The following CAB39 variants were observed in gnomAD, a reference collection of about 807,000 sequenced individuals.
CAB39 encodes the protein calcium binding protein 39, also known as calcium-binding protein 39.
In CAB39, 8 loss-of-function variants were observed where a neutral mutation model predicts 40.0. That is an observed-to-expected ratio of 0.20 (90% CI 0.12 to 0.36). The LOEUF is 0.36. CAB39 is among the 10% of genes least tolerant of loss of function. The probability of loss-of-function intolerance (pLI) is 1.00; values close to 1 mark genes in which losing one functional copy is unlikely to be tolerated. For synonymous variants in CAB39, 156 were observed against 141.6 expected, an observed-to-expected ratio of 1.10 and a Z score of -0.72; for missense variants, 270 against 401.1, an observed-to-expected ratio of 0.67 and a Z score of 2.79.
intron 6 of CAB39, 84 bp downstream of exon 6, chr2:230,810,406 T>C (rs1696283415): frequency 1.8e-6 from 1 of 545,316 alleles, no homozygotes; most frequent in Non-Finnish European, 3.2e-6. Context: ...GTTTTTGTAC[T>C]AGAATATTTA....
At chr2:230,787,916 T>G (rs1695822251) in intron 2 of CAB39, among the ~76,000 whole-genome samples, 1 of 152,258 alleles carries the variant, frequency 6.6e-6, no homozygotes, top group Non-Finnish European at 1.5e-5. Context: ...AAGCAATGTT[T>G]GTCTCGTAAA....
chr2:230,769,608 A>C (rs993244673), intron 2 of CAB39, among the ~76,000 whole-genome samples: 1 of 152,196 alleles, frequency 6.6e-6, no homozygotes, highest in African/African-American at 2.4e-5. Flanking sequence ...TAACAGAAAA[A>C]TCCTTAGAAA....
chr2:230,816,239 C>T (rs952582291), intron 7 of CAB39, among the ~76,000 whole-genome samples: 12 of 152,218 alleles, frequency 7.9e-5, no homozygotes, highest in African/African-American at 2.9e-4. Flanking sequence ...TGCCACTGCA[C>T]TCCAGCCTTT....
At chr2:230,748,823 AAAAAAAAAATAT>A (rs1295278230) in intron 1 of CAB39, among the ~76,000 whole-genome samples, 16 of 59,204 alleles carry the variant, frequency 2.7e-4, no homozygotes, top group African/African-American at 1.0e-3. Flanking sequence ...GAAAAAAAAA[AAAAAAAAAATAT>A]ATATATATAT....
In CAB39 at chr2:230,748,006, C is replaced by T. The variant is rs564973619; in HGVS notation, c.-43-11953C>T. On this transcript the variant is annotated intron_variant, in intron 1 of 8. Coordinates refer to ENST00000258418, the MANE Select transcript of CAB39 (RefSeq NM_016289.4). ...CCAGTATATAATTTCCCTTGATTGC[C>T]AAAATATCTTTTTTTCAGTTGTTTA... Among the ~76,000 whole-genome samples the T allele has an allele frequency of 3.9e-5, 6 of 152,198 alleles. No homozygotes were observed. The East Asian group carries it at 1.2e-3, about 29-fold the overall frequency.
intron 2 of CAB39, among the ~76,000 whole-genome samples, chr2:230,777,442 T>C (rs56377732): frequency 0.053 from 8,024 of 150,940 alleles, 733 homozygotes; most frequent in African/African-American, 0.18. Context: ...TTTTTAAATA[T>C]GGAGTCTTGC....
chr2:230,767,563 G>A (rs1337515478), intron 2 of CAB39, among the ~76,000 whole-genome samples: 3 of 152,132 alleles, frequency 2.0e-5, no homozygotes, highest in African/African-American at 7.2e-5. Flanking sequence ...ATCCTGTAAG[G>A]CCTATTTTTA....
chr2:230,760,581 A>G (rs375385343), intron 2 of CAB39, among the ~76,000 whole-genome samples: 3 of 152,204 alleles, frequency 2.0e-5, no homozygotes, highest in Non-Finnish European at 4.4e-5. Context: ...AAGAAGGCCA[A>G]GCAGGCAACT....
chr2:230,758,313 A>C (rs1190069790), intron 1 of CAB39, among the ~76,000 whole-genome samples: 2 of 151,844 alleles, frequency 1.3e-5, no homozygotes, highest in Admixed American at 1.3e-4. Flanking sequence ...AAAAAAAAAA[A>C]AAAATCCTTG....
chr2:230,818,486 T>G, intron 8 of CAB39, 30 bp from the exon 9 acceptor site: 1 of 1,599,034 alleles, frequency 6.3e-7, no homozygotes, highest in South Asian at 1.1e-5. Flanking sequence ...GTCCTTTCTC[T>G]GTGCCTCATG....
chr2:230,793,702 G>A (rs141040557), intron 4 of CAB39, among the ~76,000 whole-genome samples: 1 of 152,238 alleles, frequency 6.6e-6, no homozygotes, highest in Non-Finnish European at 1.5e-5. Flanking sequence ...GACATAATAC[G>A]CACGCTGTAA....
intron 1 of CAB39, among the ~76,000 whole-genome samples, chr2:230,737,424 T>A (rs1271825129): frequency 2.6e-5 from 4 of 152,152 alleles, no homozygotes; most frequent in Non-Finnish European, 5.9e-5. Flanking sequence ...TTAAACAATG[T>A]AACTTCCTTT....
At chr2:230,782,813 C>CTTTTTTTTTTTTTTTTTTTTTTTTTT (rs1212977897) in intron 2 of CAB39, among the ~76,000 whole-genome samples, 1 of 81,762 alleles carries the variant, frequency 1.2e-5, no homozygotes, top group East Asian at 2.9e-4. Context: ...TTCTTTCTTT[C>CTTTTTTTTTTTTTTTTTTTTTTTTTT]TTTTTTTTTT....
chr2:230,752,905 A>T (rs1396715436), intron 1 of CAB39, among the ~76,000 whole-genome samples: 1 of 152,232 alleles, frequency 6.6e-6, no homozygotes, highest in East Asian at 1.9e-4. Context: ...AGCAGGACTT[A>T]GATGAAATTT....
intron 1 of CAB39, among the ~76,000 whole-genome samples, chr2:230,716,977 T>C (rs1333575598): frequency 6.6e-6 from 1 of 152,162 alleles, no homozygotes; most frequent in Non-Finnish European, 1.5e-5. Context: ...CAGCCTGAGG[T>C]GACAGAGTGA....
At chr2:230,780,933 G>A (rs1353253471) in intron 2 of CAB39, among the ~76,000 whole-genome samples, 5 of 151,886 alleles carry the variant, frequency 3.3e-5, no homozygotes, top group Non-Finnish European at 7.4e-5. Context: ...AATTTAAAAC[G>A]TGGTCAGACA....
chr2:230,811,438 C>T (rs1696304536), intron 6 of CAB39, among the ~76,000 whole-genome samples: 1 of 152,096 alleles, frequency 6.6e-6, no homozygotes, highest in African/African-American at 2.4e-5. Context: ...TATTTCAGCT[C>T]ATGTGTATTT....
At chr2:230,729,651 G>A (rs758711001) in intron 1 of CAB39, among the ~76,000 whole-genome samples, 3 of 151,954 alleles carry the variant, frequency 2.0e-5, no homozygotes, top group African/African-American at 7.3e-5. Context: ...TACTCAGGAG[G>A]CTGAGGCAGG....
At chr2:230,794,716 T>C (rs973507807) in intron 4 of CAB39, among the ~76,000 whole-genome samples, 4 of 152,178 alleles carry the variant, frequency 2.6e-5, no homozygotes, top group Non-Finnish European at 5.9e-5. Context: ...GTGAAAAATA[T>C]ACGTACAACT....
Sources: allele counts gnomAD v4.1 joint callset (sites outside exome capture counted in the v4.1 genomes callset), GRCh38; gene constraint gnomAD v4.1.1; transcripts MANE v1.5; gene names NCBI Gene and HGNC (gene_info 2026-07-23, HGNC 2026-07-21).